Variants in GASK1A observed in about 807,000 individuals in gnomAD.
GASK1A encodes golgi associated kinase 1A.
A neutral mutation model predicts 41.2 loss-of-function variants in GASK1A; 40 were observed. The ratio of observed to expected loss-of-function variants is 0.97; its 90% CI spans 0.75 to 1.27. The LOEUF (loss-of-function observed/expected upper bound fraction) is 1.27, where lower values mean the gene tolerates loss of function less well. GASK1A is among the 50% of genes most tolerant of loss of function. GASK1A has a pLI of 0.00. For missense variants in GASK1A, 678 were observed against 745.1 expected, an observed-to-expected ratio of 0.91 and a Z score of 1.05; for synonymous variants, 316 against 307.1, an observed-to-expected ratio of 1.03 and a Z score of -0.30.
At chr3:42,996,037 G>A (rs535726780) in intron 1 of GASK1A, among the ~76,000 whole-genome samples, 1 of 152,324 alleles carries the variant, frequency 6.6e-6, no homozygotes, top group Admixed American at 6.5e-5. Context: ...AGCTGTGGAT[G>A]TGGAGAGGGC....
intron 1 of GASK1A, among the ~76,000 whole-genome samples, chr3:42,986,652 G>A (rs1052112262): frequency 6.6e-6 from 1 of 152,140 alleles, no homozygotes; most frequent in African/African-American, 2.4e-5. Flanking sequence ...CTTGGATGTG[G>A]GTGCTCGCCC....
intron 2 of GASK1A, among the ~76,000 whole-genome samples, chr3:43,040,191 T>C (rs1333556807): frequency 1.3e-5 from 2 of 151,666 alleles, no homozygotes; most frequent in African/African-American, 4.9e-5. Context: ...ATAAAACAAC[T>C]ATTTTTTTTT....
chr3:43,014,508 A>G (rs2089480231), intron 1 of GASK1A, among the ~76,000 whole-genome samples: 1 of 149,182 alleles, frequency 6.7e-6, no homozygotes, highest in South Asian at 2.1e-4. Context: ...AAGGAGGGGC[A>G]TTGTGCAGCC....
At chr3:43,038,780 G>A (rs941182759) in intron 2 of GASK1A, among the ~76,000 whole-genome samples, 4 of 152,214 alleles carry the variant, frequency 2.6e-5, no homozygotes. Flanking sequence ...TACTTCTGAT[G>A]CTCTTCATCA....
At position 43,055,448 on chromosome 3, in the gene GASK1A, C is replaced by A. The variant is rs1338134509; in HGVS notation, c.1430C>A (p.Pro477Gln). 38 of 1,551,456 alleles carry A rather than the reference C, an allele frequency of 2.4e-5. No individual in the cohort carries two copies. Among genetic ancestry groups the A allele is most frequent in the Non-Finnish European group, 2.9e-5 (33 of 1,146,840 alleles). ...TTCCCTGAGGTCCGGAGCAGCGATC[C>A]ATCTCACCTGGTCTACATCGATAAC... The part of the protein sequence containing the change: ...LVHILVRSSD[P>Q]SHLVYIDNAG... Residue 477 changes from proline (P) to glutamine (Q), a missense_variant, in exon 4 of 5, where the codon CCA becomes CAA. Pro to Gln is a moderately conservative substitution (Grantham distance 76, BLOSUM62 -1). Transcript: ENST00000430121.
Position 42,979,619 on chromosome 3 carries a change from G to A in GASK1A, c.-24G>A. ...GCGAGCCGGCTGAGCGCGCCGAGGA[G>A]CCGGCCGGGGCACCGCCGGGGACAT... On this transcript the variant is annotated 5_prime_UTR_variant, in exon 1 of 5. Coordinates refer to ENST00000430121, the MANE Select transcript of GASK1A (RefSeq NM_001129908.3). 1.7e-5 allele frequency: 21 copies of A among 1,242,996 alleles called. No individual in the cohort carries two copies. The highest frequency in any genetic ancestry group is 2.1e-5 in the Non-Finnish European group (21 of 987,686). The allele number at this position is 1,242,996 out of a possible 1,614,324, so 77.0% of individuals were successfully genotyped here.
intron 1 of GASK1A, among the ~76,000 whole-genome samples, chr3:43,025,573 C>T (rs1167706756): frequency 1.3e-5 from 2 of 152,178 alleles, no homozygotes; most frequent in African/African-American, 4.8e-5. Context: ...CAAGGGTGGT[C>T]TTTCCAGAAG....
intron 2 of GASK1A, among the ~76,000 whole-genome samples, chr3:43,038,480 G>T (rs191837978): frequency 6.6e-6 from 1 of 151,914 alleles, no homozygotes; most frequent in East Asian, 1.9e-4. Flanking sequence ...TTATCTAGCC[G>T]TTTCGAATAT....
At chr3:43,029,275 G>A (rs2089562793) in intron 1 of GASK1A, among the ~76,000 whole-genome samples, 1 of 152,094 alleles carries the variant, frequency 6.6e-6, no homozygotes, top group African/African-American at 2.4e-5. Context: ...GAGTGATTGT[G>A]TCTCCCGGTG....
intron 1 of GASK1A, among the ~76,000 whole-genome samples, chr3:43,001,472 G>A (rs2089408799): frequency 6.6e-6 from 1 of 152,236 alleles, no homozygotes; most frequent in East Asian, 1.9e-4. Flanking sequence ...ATTGGTCTGT[G>A]CTCAGCAGGC....
chr3:42,980,731 G>A (rs895604050), intron 1 of GASK1A, among the ~76,000 whole-genome samples: 1 of 152,074 alleles, frequency 6.6e-6, no homozygotes, highest in African/African-American at 2.4e-5. Flanking sequence ...GAGGCTAGGG[G>A]TGTGTGTATG....
intron 1 of GASK1A, among the ~76,000 whole-genome samples, chr3:43,016,404 C>G (rs930956991): frequency 6.6e-6 from 1 of 151,554 alleles, no homozygotes; most frequent in African/African-American, 2.4e-5. Context: ...CAGGTAGAGG[C>G]TGTGTGAAGC....
chr3:43,029,626 G>A (rs1285085141), intron 1 of GASK1A, among the ~76,000 whole-genome samples: 1 of 152,154 alleles, frequency 6.6e-6, no homozygotes, highest in African/African-American at 2.4e-5. Context: ...TTTGGCAAAA[G>A]TGGGGCCAAG....
At chr3:43,053,897 C>T in intron 3 of GASK1A, 1 of 576,270 alleles carries the variant, frequency 1.7e-6, no homozygotes, top group Non-Finnish European at 3.2e-6. Flanking sequence ...ACTGTCTCCA[C>T]TGCCCCTAAG....
At chr3:43,005,992 G>A (rs2089433907) in intron 1 of GASK1A, among the ~76,000 whole-genome samples, 1 of 152,176 alleles carries the variant, frequency 6.6e-6, no homozygotes, top group Non-Finnish European at 1.5e-5. Flanking sequence ...AAGGATAAGG[G>A]GTAGGGACTG....
At chr3:42,997,443 G>T (rs1472316934) in intron 1 of GASK1A, among the ~76,000 whole-genome samples, 4 of 151,806 alleles carry the variant, frequency 2.6e-5, no homozygotes, top group African/African-American at 7.3e-5. Flanking sequence ...AGAGAGGGGG[G>T]GGGGATCTGG....
intron 1 of GASK1A, among the ~76,000 whole-genome samples, chr3:43,029,093 G>A (rs538458819): frequency 6.6e-6 from 1 of 152,232 alleles, no homozygotes; most frequent in South Asian, 2.1e-4. Flanking sequence ...TCCAGGTATG[G>A]GGGAGGGAAG....
chr3:43,000,234 G>A (rs575921845), intron 1 of GASK1A, among the ~76,000 whole-genome samples: 33 of 141,062 alleles, frequency 2.3e-4, no homozygotes, highest in Admixed American at 5.6e-4. Flanking sequence ...TCCTGGGGCC[G>A]AGTGTCCAAT....
chr3:42,998,835 G>C (rs972066277), intron 1 of GASK1A, among the ~76,000 whole-genome samples: 2 of 152,160 alleles, frequency 1.3e-5, no homozygotes, highest in Non-Finnish European at 2.9e-5. Flanking sequence ...TTGTTCCTCC[G>C]TGGCTACTAG....
Sources: gnomAD v4.1 joint callset for allele counts (sites outside exome capture counted in the v4.1 genomes callset) on GRCh38, gnomAD v4.1.1 for gene constraint, MANE v1.5 for transcripts, NCBI Gene and HGNC (gene_info 2026-07-23, HGNC 2026-07-21) for gene names.